ACMSD: variants seen among roughly 807,000 people sequenced by gnomAD.
ACMSD encodes the protein aminocarboxymuconate semialdehyde decarboxylase.
Under a neutral mutation model 45.9 loss-of-function variants are expected in ACMSD, and 37 were observed. The ratio of observed to expected loss-of-function variants is 0.81; its 90% confidence interval spans 0.62 to 1.06. The LOEUF is 1.06. ACMSD is among the 50% of genes least tolerant of loss of function. The pLI is 0.00. For synonymous variants in ACMSD, 138 were observed against 148.8 expected, an observed-to-expected ratio of 0.93 and a Z score of 0.53; for missense variants, 434 against 420.9, an observed-to-expected ratio of 1.03 and a Z score of -0.27.
chr2:134,897,008 T>C (rs1690191064), intron 8 of ACMSD, among the ~76,000 whole-genome samples: 1 of 151,336 alleles, frequency 6.6e-6, no homozygotes, highest in African/African-American at 2.4e-5. Flanking sequence ...GTGACAAAAA[T>C]CTGTGGTTAT....
At chr2:134,900,358 T>G (rs1391405891) in intron 9 of ACMSD, among the ~76,000 whole-genome samples, 2 of 152,086 alleles carry the variant, frequency 1.3e-5, no homozygotes, top group Non-Finnish European at 2.9e-5. Flanking sequence ...ATCCACTCCC[T>G]CCCCATTAGT....
chr2:134,848,076 C>T (rs1468622074), intron 2 of ACMSD, among the ~76,000 whole-genome samples: 1 of 152,168 alleles, frequency 6.6e-6, no homozygotes, highest in South Asian at 2.1e-4. Context: ...GTCTTGAACT[C>T]CCAACCTCAG....
intron 5 of ACMSD, 77 bp from the exon 6 acceptor site, chr2:134,867,502 G>C: frequency 8.6e-7 from 1 of 1,156,250 alleles, no homozygotes; most frequent in Non-Finnish European, 1.3e-6. Context: ...GAGAAAAGCA[G>C]TTTCCCCAAA....
At chr2:134,840,799 G>C (rs1359549845) in intron 1 of ACMSD, among the ~76,000 whole-genome samples, 2 of 152,118 alleles carry the variant, frequency 1.3e-5, no homozygotes, top group Non-Finnish European at 2.9e-5. Context: ...TTGGGGAACA[G>C]GTGGTGTTTG....
At chr2:134,848,464 T>C (rs2104822801) in intron 2 of ACMSD, among the ~76,000 whole-genome samples, 1 of 152,334 alleles carries the variant, frequency 6.6e-6, no homozygotes, top group South Asian at 2.1e-4. Flanking sequence ...TTTTTAATGA[T>C]AGCCATTCTA....
intron 3 of ACMSD, 57 bp downstream of exon 3, chr2:134,859,414 T>TA: frequency 6.5e-7 from 1 of 1,539,716 alleles, no homozygotes. Context: ...TGTCTGCCCT[T>TA]AAAGTTTGCT....
intron 2 of ACMSD, among the ~76,000 whole-genome samples, chr2:134,848,732 C>T (rs951587978): frequency 6.6e-6 from 1 of 152,140 alleles, no homozygotes; most frequent in African/African-American, 2.4e-5. Context: ...GGTTGCTGTT[C>T]ACTCTGATGA....
intron 2 of ACMSD, among the ~76,000 whole-genome samples, chr2:134,849,791 A>G (rs1226461496): frequency 6.6e-6 from 1 of 152,190 alleles, no homozygotes; most frequent in East Asian, 1.9e-4. Context: ...CTTGGTTTGT[A>G]TGACAACCTG....
chr2:134,839,965 T>A (rs1048641605), intron 1 of ACMSD, among the ~76,000 whole-genome samples: 1 of 151,944 alleles, frequency 6.6e-6, no homozygotes, highest in Admixed American at 6.6e-5. Flanking sequence ...AGAAGCTGCA[T>A]GCAGTTTCTT....
At chr2:134,898,245 T>G in intron 8 of ACMSD, 96 bp from the exon 9 acceptor site, 1 of 665,232 alleles carries the variant, frequency 1.5e-6, no homozygotes, top group Non-Finnish European at 2.3e-6. Context: ...TGTGTTATTT[T>G]TATGACAGGA....
chr2:134,846,366 AG>A (rs1213355248), intron 2 of ACMSD, among the ~76,000 whole-genome samples: 34 of 152,142 alleles, frequency 2.2e-4, no homozygotes, highest in Non-Finnish European at 2.4e-4. Flanking sequence ...TGTTTTAACA[AG>A]CCTCCTGGTG....
intron 6 of ACMSD, 72 bp downstream of exon 6, chr2:134,867,744 T>TTGAC: frequency 8.1e-7 from 1 of 1,232,714 alleles, no homozygotes; most frequent in Non-Finnish European, 1.2e-6. Context: ...GGAAACCTAT[T>TTGAC]ATGTCAAATA....
chr2:134,842,289 G>T (rs191174774), intron 1 of ACMSD, among the ~76,000 whole-genome samples: 272 of 152,210 alleles, frequency 1.8e-3, no homozygotes, highest in African/African-American at 5.6e-3. Flanking sequence ...GAATAAAGTT[G>T]CCCTAAATAA....
At chr2:134,850,001 T>C (rs1414078379) in intron 2 of ACMSD, among the ~76,000 whole-genome samples, 3 of 146,936 alleles carry the variant, frequency 2.0e-5, no homozygotes, top group Non-Finnish European at 4.5e-5. Flanking sequence ...CACACACACG[T>C]GAACATTTAC....
At chr2:134,886,310 G>A (rs1406576824) in intron 8 of ACMSD, among the ~76,000 whole-genome samples, 3 of 144,156 alleles carry the variant, frequency 2.1e-5, no homozygotes, top group Non-Finnish European at 3.0e-5. Flanking sequence ...GTGCAGTGGC[G>A]CCATCTTGGC....
intron 4 of ACMSD, 82 bp from the exon 5 acceptor site, chr2:134,863,313 C>A: frequency 7.7e-7 from 1 of 1,294,240 alleles, no homozygotes; most frequent in Non-Finnish European, 1.1e-6. Context: ...ATATTATAGC[C>A]ATGAGGAGGC....
chr2:134,901,430 T>G (rs1431835207), intron 9 of ACMSD, among the ~76,000 whole-genome samples: 3 of 152,130 alleles, frequency 2.0e-5, no homozygotes, highest in Admixed American at 1.3e-4. Flanking sequence ...GCTAGATGAC[T>G]TTTGAGCACC....
At chr2:134,891,466 C>A (rs1435554642) in intron 8 of ACMSD, among the ~76,000 whole-genome samples, 1 of 151,948 alleles carries the variant, frequency 6.6e-6, no homozygotes, top group Admixed American at 6.6e-5. Context: ...ATACAAATGG[C>A]CAACAAATAT....
chr2:134,880,713 T>C (rs1272844407), intron 8 of ACMSD, among the ~76,000 whole-genome samples: 1 of 152,120 alleles, frequency 6.6e-6, no homozygotes, highest in East Asian at 1.9e-4. Flanking sequence ...CAGGTGGCTT[T>C]TTTGTCTGTT....
Sources: gnomAD v4.1 joint callset for allele counts (sites outside exome capture counted in the v4.1 genomes callset) on GRCh38, gnomAD v4.1.1 for gene constraint, MANE v1.5 for transcripts, NCBI Gene and HGNC (gene_info 2026-07-23, HGNC 2026-07-21) for gene names.